Variants in IMMP2L observed in about 807,000 individuals in gnomAD.
IMMP2L encodes mitochondrial inner membrane protease subunit 2.
In IMMP2L, 18 loss-of-function variants were observed where a neutral mutation model predicts 19.3. That is an observed-to-expected ratio of 0.93 (90% CI 0.64 to 1.38). The LOEUF is 1.38. Among genes scored for constraint, IMMP2L ranks in the 40% most tolerant of loss-of-function variants. IMMP2L has a pLI of 0.00. For missense variants in IMMP2L, 233 were observed against 218.2 expected, an observed-to-expected ratio of 1.07 and a Z score of -0.43; for synonymous variants, 76 against 73.0, an observed-to-expected ratio of 1.04 and a Z score of -0.21.
chr7:111,184,237 A>G (rs964205940), intron 3 of IMMP2L, among the ~76,000 whole-genome samples: 9 of 152,006 alleles, frequency 5.9e-5, no homozygotes. Context: ...AATAGGGGGG[A>G]AAATAATGGA....
chr7:110,769,708 GGAA>G (rs1418029960), intron 5 of IMMP2L, among the ~76,000 whole-genome samples: 1 of 151,354 alleles, frequency 6.6e-6, no homozygotes, highest in Middle Eastern at 3.2e-3. Flanking sequence ...GAAAACGAAC[GGAA>G]GAAGAAAAAA....
chr7:110,680,424 G>A (rs769238208), intron 5 of IMMP2L, among the ~76,000 whole-genome samples: 27 of 152,204 alleles, frequency 1.8e-4, no homozygotes, highest in Admixed American at 7.2e-4. Context: ...TATAACTGCC[G>A]TTCTTAATTT....
chr7:111,466,334 A>T (rs1018992182), intron 3 of IMMP2L, among the ~76,000 whole-genome samples: 2 of 152,188 alleles, frequency 1.3e-5, no homozygotes, highest in African/African-American at 2.4e-5. Flanking sequence ...CCTAAAACTT[A>T]AAGTATAATA....
chr7:111,462,404 G>C (rs921144496), intron 3 of IMMP2L, among the ~76,000 whole-genome samples: 37 of 152,040 alleles, frequency 2.4e-4, no homozygotes, highest in Non-Finnish European at 2.6e-4. Context: ...TCAAAGTAGA[G>C]ATTAGGAAAT....
Position 111,517,480 on chromosome 7 carries a change from T to G in IMMP2L, c.135+3833A>C, listed in dbSNP as rs1329911673. Among the ~76,000 whole-genome samples, 3 of 152,082 alleles carry G rather than the reference T, an allele frequency of 2.0e-5. No homozygotes were observed. In the East Asian group the frequency reaches 5.8e-4, roughly 29 times the overall value. On this transcript the variant is annotated intron_variant, in intron 2 of 5. Transcript: ENST00000405709. ...AAAAAAGATAATGACACAAAATTAT[T>G]TATTTTACTTACTTTTTAAAGTCTT...
At chr7:110,903,592 C>T (rs1161693405) in intron 4 of IMMP2L, among the ~76,000 whole-genome samples, 1 of 152,178 alleles carries the variant, frequency 6.6e-6, no homozygotes, top group Non-Finnish European at 1.5e-5. Context: ...TGCAGGATTT[C>T]CTTCTTTTTA....
At chr7:111,416,177 T>C (rs1834939469) in intron 3 of IMMP2L, among the ~76,000 whole-genome samples, 1 of 151,768 alleles carries the variant, frequency 6.6e-6, no homozygotes, top group South Asian at 2.1e-4. Context: ...TCATCAGCTA[T>C]CCCATTAAAG....
intron 3 of IMMP2L, among the ~76,000 whole-genome samples, chr7:111,069,146 G>T (rs539231348): frequency 2.6e-5 from 4 of 152,152 alleles, no homozygotes; most frequent in Non-Finnish European, 5.9e-5. Flanking sequence ...TTGAGGGTAC[G>T]AGACTAGGTC....
intron 3 of IMMP2L, among the ~76,000 whole-genome samples, chr7:111,470,770 A>G (rs1841182209): frequency 6.6e-6 from 1 of 150,382 alleles, no homozygotes; most frequent in East Asian, 2.0e-4. Flanking sequence ...GATATACCTA[A>G]TGCTAAATGA....
At chr7:111,496,282 A>C (rs1843583980) in intron 2 of IMMP2L, among the ~76,000 whole-genome samples, 1 of 152,212 alleles carries the variant, frequency 6.6e-6, no homozygotes, top group African/African-American at 2.4e-5. Context: ...AAAATAGACT[A>C]TAATGTACCC....
chr7:111,188,934 C>T (rs1010231361), intron 3 of IMMP2L, among the ~76,000 whole-genome samples: 8 of 152,024 alleles, frequency 5.3e-5, no homozygotes, highest in Admixed American at 2.6e-4. Context: ...AGCTAACTTC[C>T]TGGAAGATCA....
At chr7:111,042,381 T>G (rs750512778) in intron 3 of IMMP2L, among the ~76,000 whole-genome samples, 2 of 152,214 alleles carry the variant, frequency 1.3e-5, no homozygotes, top group African/African-American at 2.4e-5. Flanking sequence ...GGTTTCACCA[T>G]GTTTGGCCAG....
intron 3 of IMMP2L, among the ~76,000 whole-genome samples, chr7:111,084,402 C>T (rs1796137224): frequency 6.6e-6 from 1 of 151,506 alleles, no homozygotes; most frequent in Non-Finnish European, 1.5e-5. Flanking sequence ...GCCTGGGGAT[C>T]ACGCAAGTAG....
chr7:111,470,322 C>T (rs1268611766), intron 3 of IMMP2L, among the ~76,000 whole-genome samples: 1 of 151,856 alleles, frequency 6.6e-6, no homozygotes, highest in Non-Finnish European at 1.5e-5. Context: ...TGTGGTGATT[C>T]CTCAGGGATC....
chr7:111,367,768 A>C (rs911321165), intron 3 of IMMP2L, among the ~76,000 whole-genome samples: 1 of 151,934 alleles, frequency 6.6e-6, no homozygotes, highest in Admixed American at 6.6e-5. Flanking sequence ...TCATACTTGT[A>C]AACAACATGC....
chr7:111,540,892 G>A (rs1347821459), intron 1 of IMMP2L, among the ~76,000 whole-genome samples: 1 of 151,968 alleles, frequency 6.6e-6, no homozygotes, highest in African/African-American at 2.4e-5. Flanking sequence ...GAGTAACGGA[G>A]AAAATAAGCG....
In IMMP2L at chr7:110,990,743, G is replaced by C. The variant is rs575204438; in HGVS notation, c.240-27178C>G. ...CTTTAAGTTAACTTACACCAGGATT[G>C]GCTTTTAAAACACAAACCTGGGAAC... On this transcript the variant is annotated intron_variant, in intron 3 of 5. Coordinates refer to ENST00000405709, the MANE Select transcript of IMMP2L (RefSeq NM_032549.4). Among the ~76,000 whole-genome samples the C allele has an allele frequency of 2.6e-5, 4 of 152,140 alleles. No homozygotes were observed. In the East Asian group the frequency reaches 7.7e-4, roughly 29 times the overall value.
intron 3 of IMMP2L, among the ~76,000 whole-genome samples, chr7:111,476,992 T>C (rs117799841): frequency 0.012 from 1,801 of 152,270 alleles, 11 homozygotes; most frequent in South Asian, 0.034. Flanking sequence ...CATGGATATA[T>C]CATCTTATTA....
intron 3 of IMMP2L, among the ~76,000 whole-genome samples, chr7:111,319,210 C>T (rs1350397407): frequency 1.3e-4 from 20 of 152,038 alleles, no homozygotes; most frequent in Admixed American, 1.3e-3. Context: ...ATTCTTTTTT[C>T]ACCCTCACAT....
Sources: gnomAD v4.1 joint callset for allele counts (sites outside exome capture counted in the v4.1 genomes callset) on GRCh38, gnomAD v4.1.1 for gene constraint, MANE v1.5 for transcripts, NCBI Gene and HGNC (gene_info 2026-07-23, HGNC 2026-07-21) for gene names.